TMEM132B: variants seen among roughly 807,000 people sequenced by gnomAD.
TMEM132B encodes transmembrane protein 132B.
TMEM132B carries 18 observed loss-of-function variants against 90.8 expected under a neutral mutation model. The ratio of observed to expected loss-of-function variants is 0.20; its 90% CI spans 0.14 to 0.29. TMEM132B has a LOEUF of 0.29. Among genes scored for constraint, TMEM132B ranks in the 10% least tolerant of loss-of-function variants. TMEM132B has a pLI of 1.00. For synonymous variants in TMEM132B, 504 were observed against 523.3 expected, an observed-to-expected ratio of 0.96 and a Z score of 0.50; for missense variants, 1,096 against 1,326.8, an observed-to-expected ratio of 0.83 and a Z score of 2.70.
chr12:125,629,444 A>T (rs1183216412), intron 5 of TMEM132B, among the ~76,000 whole-genome samples: 1 of 151,814 alleles, frequency 6.6e-6, no homozygotes, highest in Admixed American at 6.6e-5. Context: ...CTGATTGTTC[A>T]TTGTTGGCAT....
chr12:125,568,011 T>G (rs1884701250), intron 4 of TMEM132B, among the ~76,000 whole-genome samples: 1 of 152,194 alleles, frequency 6.6e-6, no homozygotes, highest in Non-Finnish European at 1.5e-5. Flanking sequence ...TGCGTGCGTC[T>G]GTCTCTCTCC....
At chr12:125,278,719 A>G (rs1875074992) in intron 1 of TMEM132B, among the ~76,000 whole-genome samples, 1 of 152,186 alleles carries the variant, frequency 6.6e-6, no homozygotes, top group African/African-American at 2.4e-5. Flanking sequence ...TTTTAAAGGC[A>G]AGATATGAAA....
At chr12:125,653,058 C>T (rs1230196216) in intron 8 of TMEM132B, among the ~76,000 whole-genome samples, 2 of 152,236 alleles carry the variant, frequency 1.3e-5, no homozygotes, top group African/African-American at 4.8e-5. Flanking sequence ...CCTCCCATCT[C>T]TAAACTTCTA....
At chr12:125,438,522 G>C (rs762593351) in intron 3 of TMEM132B, among the ~76,000 whole-genome samples, 4 of 152,188 alleles carry the variant, frequency 2.6e-5, no homozygotes, top group Admixed American at 1.3e-4. Context: ...GCTATTTCAA[G>C]CATACTTAAA....
intron 1 of TMEM132B, among the ~76,000 whole-genome samples, chr12:125,225,549 A>T (rs1307702446): frequency 6.6e-6 from 1 of 152,068 alleles, no homozygotes; most frequent in African/African-American, 2.4e-5. Flanking sequence ...GAAGAACTTA[A>T]CTCTATCGCA....
intron 1 of TMEM132B, among the ~76,000 whole-genome samples, chr12:125,273,448 A>G (rs961509789): frequency 1.3e-5 from 2 of 152,014 alleles, no homozygotes; most frequent in Non-Finnish European, 2.9e-5. Context: ...TTAGCTGGGC[A>G]TGGTTGCTCA....
At chr12:125,360,047 C>T (rs567206284) in intron 2 of TMEM132B, among the ~76,000 whole-genome samples, 23 of 152,302 alleles carry the variant, frequency 1.5e-4, no homozygotes, top group African/African-American at 5.1e-4. Flanking sequence ...CACTGTACAC[C>T]AGCCTGGCGA....
chr12:125,361,704 A>C (rs1451666025), intron 2 of TMEM132B, among the ~76,000 whole-genome samples: 1 of 152,158 alleles, frequency 6.6e-6, no homozygotes, highest in Non-Finnish European at 1.5e-5. Flanking sequence ...ACTAGTTCCA[A>C]ATGTTATCTG....
At position 125,350,051 on chromosome 12, in the gene TMEM132B, T is replaced by G; in HGVS notation, c.667T>G (p.Phe223Val). The G allele has an allele frequency of 1.2e-6, 2 of 1,614,204 alleles. No individual in the cohort carries two copies. Among genetic ancestry groups the G allele is most frequent in the Non-Finnish European group, 1.7e-6 (2 of 1,180,028 alleles). ...GCTCGGGGGCACCACGATGGAGCTC[T>G]TCTTCACGCTCTACCCAGCTGACAA... ...ALLGGTTMEL[F>V]FTLYPADKAG... The change falls in exon 2 of 9, where the codon TTC becomes GTC. Residue 223 changes from phenylalanine (F) to valine (V), a missense_variant. By Grantham distance (50) the Phe-to-Val change is conservative. Coordinates refer to ENST00000682704, the MANE Select transcript of TMEM132B (RefSeq NM_001366854.1).
intron 1 of TMEM132B, among the ~76,000 whole-genome samples, chr12:125,238,389 A>AAC (rs1873990169): frequency 7.2e-6 from 1 of 138,768 alleles, no homozygotes; most frequent in African/African-American, 2.8e-5. Flanking sequence ...AAAAAAAACC[A>AAC]AAAAAACAAA....
At chr12:125,193,853 A>G (rs564865696) in intron 1 of TMEM132B, among the ~76,000 whole-genome samples, 1 of 152,358 alleles carries the variant, frequency 6.6e-6, no homozygotes, top group South Asian at 2.1e-4. Context: ...GGACAAAGAA[A>G]TCTGAACTTC....
chr12:125,341,592 G>C (rs1877181808), intron 1 of TMEM132B, among the ~76,000 whole-genome samples: 1 of 152,110 alleles, frequency 6.6e-6, no homozygotes, highest in Admixed American at 6.5e-5. Context: ...CTCAAGGGTG[G>C]CTCTCCTTAC....
chr12:125,280,063 GT>G (rs1349004998), intron 1 of TMEM132B, among the ~76,000 whole-genome samples: 3 of 152,104 alleles, frequency 2.0e-5, no homozygotes, highest in Admixed American at 2.0e-4. Flanking sequence ...CCTGTCCTTC[GT>G]CACCCAGCTC....
At position 125,197,417 on chromosome 12, in the gene TMEM132B, G is replaced by C. The variant is rs577739980; in HGVS notation, c.67+10551G>C. 8.5e-5 allele frequency among the ~76,000 whole-genome samples: 13 copies of C among 152,088 alleles called. 1 individual carries two copies. The highest frequency in any genetic ancestry group is 3.1e-4 in the African/African-American group (13 of 41,402). On this transcript the variant is annotated intron_variant, in intron 1 of 8. Transcript: ENST00000682704. ...TGTAAATTCTGTTTGACCCTTAGGCGGCCTCGGCTCCTGACTTGTTGCTTG... is the reference window on the plus strand; with the variant it reads ...TGTAAATTCTGTTTGACCCTTAGGCCGCCTCGGCTCCTGACTTGTTGCTTG...
chr12:125,522,549 A>G lies in TMEM132B; in HGVS notation c.1293+2924A>G, dbSNP rs546150211. 1.2e-4 allele frequency among the ~76,000 whole-genome samples: 19 copies of G among 152,348 alleles called. No homozygotes were observed. In the South Asian group the frequency reaches 3.9e-3, roughly 32 times the overall value. On this transcript the variant is annotated intron_variant, in intron 4 of 8. Transcript: ENST00000682704. ...GTCACAGCTTACTGAATGGCAGACAAGTTGCTGATGCAGCACTCGAGTAGA... is the reference window on the plus strand; with the variant it reads ...GTCACAGCTTACTGAATGGCAGACAGGTTGCTGATGCAGCACTCGAGTAGA...
intron 4 of TMEM132B, among the ~76,000 whole-genome samples, chr12:125,521,203 C>T (rs1883297894): frequency 6.6e-6 from 1 of 152,180 alleles, no homozygotes; most frequent in Admixed American, 6.5e-5. Flanking sequence ...ACCTCCTCTA[C>T]TTCCACCTTC....
intron 2 of TMEM132B, among the ~76,000 whole-genome samples, chr12:125,377,880 C>T (rs578229518): frequency 6.6e-6 from 1 of 152,276 alleles, no homozygotes; most frequent in African/African-American, 2.4e-5. Context: ...AGGTGACTTG[C>T]ATGGGGACCT....
chr12:125,539,937 T>C (rs943678808), intron 4 of TMEM132B, among the ~76,000 whole-genome samples: 4 of 152,230 alleles, frequency 2.6e-5, no homozygotes, highest in Admixed American at 6.5e-5. Flanking sequence ...AAGCAGTCAC[T>C]GATGTAGACC....
chr12:125,398,520 G>A (rs56714937), intron 2 of TMEM132B, among the ~76,000 whole-genome samples: 4,502 of 152,310 alleles, frequency 0.03, 225 homozygotes, highest in African/African-American at 0.095. Flanking sequence ...GGAGGCAGTA[G>A]GGACTGGCGG....
Sources: allele counts gnomAD v4.1 joint callset (sites outside exome capture counted in the v4.1 genomes callset), GRCh38; gene constraint gnomAD v4.1.1; transcripts MANE v1.5; gene names NCBI Gene and HGNC (gene_info 2026-07-23, HGNC 2026-07-21).